The following CUEDC1 variants were observed in gnomAD, a reference collection of about 807,000 sequenced individuals.
The protein encoded by CUEDC1 is CUE domain-containing protein 1.
A neutral mutation model predicts 43.7 loss-of-function variants in CUEDC1; 30 were observed. The observed-to-expected ratio is 0.69, with a 90% confidence interval of 0.51 to 0.93. The LOEUF (loss-of-function observed/expected upper bound fraction) is 0.93. Among genes scored for constraint, CUEDC1 ranks in the 40% least tolerant of loss-of-function variants. The probability of loss-of-function intolerance (pLI) is 0.00; values close to 1 mark genes in which losing one functional copy is unlikely to be tolerated. For synonymous variants in CUEDC1, 223 were observed against 223.6 expected (o/e 1.00, Z 0.02); for missense variants, 486 against 549.0 (o/e 0.89, Z 1.15).
At chr17:57,922,658 T>G (rs1263893572) in intron 1 of CUEDC1, 3 of 152,212 alleles carry the variant, frequency 2.0e-5, no homozygotes, top group African/African-American at 7.2e-5. Flanking sequence ...AGCCTCCATT[T>G]TTCTCATATG....
chr17:57,867,340 C>T lies in CUEDC1; in HGVS notation c.1093+17G>A. On this transcript the variant is annotated intron_variant, in intron 9 of 10. Coordinates refer to ENST00000577830, the MANE Select transcript of CUEDC1 (RefSeq NM_001271875.2). ...ATCATAGAGAAGTTGGAGCTTACGA[C>T]TCCCCTCCAGCCTCACCACACGCGT... The T allele has an allele frequency of 6.4e-7, 1 of 1,551,260 alleles. No homozygotes were observed. The highest frequency in any genetic ancestry group is 8.7e-7 in the Non-Finnish European group (1 of 1,146,524).
intron 10 of CUEDC1, among the ~76,000 whole-genome samples, chr17:57,864,495 A>G (rs1175963232): frequency 6.6e-6 from 1 of 152,148 alleles, no homozygotes; most frequent in Non-Finnish European, 1.5e-5. Context: ...TCCTGGGGTC[A>G]CAGGAGCCAA....
At chr17:57,877,612 C>A (rs1296575346) in intron 3 of CUEDC1, among the ~76,000 whole-genome samples, 1 of 148,782 alleles carries the variant, frequency 6.7e-6, no homozygotes, top group Non-Finnish European at 1.5e-5. Context: ...TGGGGATAGG[C>A]CCGGTGGCTT....
At chr17:57,899,711 C>T (rs1381214421) in intron 1 of CUEDC1, among the ~76,000 whole-genome samples, 1 of 152,220 alleles carries the variant, frequency 6.6e-6, no homozygotes, top group Admixed American at 6.5e-5. Flanking sequence ...AGCCATAGGA[C>T]ACAGACAACA....
At chr17:57,925,434 A>C (rs2074737713) in intron 1 of CUEDC1, among the ~76,000 whole-genome samples, 1 of 152,090 alleles carries the variant, frequency 6.6e-6, no homozygotes, top group Non-Finnish European at 1.5e-5. Context: ...CCAGTGCGGT[A>C]CCCTTCCCAA....
chr17:57,869,227 G>A (rs373522720), intron 6 of CUEDC1, 34 bp from the exon 7 acceptor site: 1,075 of 1,601,862 alleles, frequency 6.7e-4, no homozygotes, highest in Middle Eastern at 9.9e-4. Context: ...GCCGGCCACC[G>A]TGGCCAGCCA....
intron 1 of CUEDC1, among the ~76,000 whole-genome samples, chr17:57,946,228 A>G (rs2074958841): frequency 6.6e-6 from 1 of 152,228 alleles, no homozygotes. Flanking sequence ...CCAGGAGCCA[A>G]CCAAGCAAGC....
intron 1 of CUEDC1, among the ~76,000 whole-genome samples, chr17:57,887,068 G>A (rs527505813): frequency 3.9e-5 from 6 of 152,022 alleles, no homozygotes; most frequent in South Asian, 4.2e-4. Context: ...TGATCTGCCC[G>A]CCTCGGCCTC....
At chr17:57,886,015 T>C (rs557656110) in intron 1 of CUEDC1, 136 bp from the exon 2 acceptor site, 1 of 155,934 alleles carries the variant, frequency 6.4e-6, no homozygotes, top group East Asian at 1.9e-4. Flanking sequence ...TTCTTCCTCA[T>C]GCTTTCTCCC....
chr17:57,889,824 G>T (rs1025761331), intron 1 of CUEDC1, among the ~76,000 whole-genome samples: 2 of 152,124 alleles, frequency 1.3e-5, no homozygotes, highest in Non-Finnish European at 2.9e-5. Flanking sequence ...GGACTATAGA[G>T]GCCCCCAATT....
At chr17:57,863,816 C>T (rs1444364782) in intron 10 of CUEDC1, among the ~76,000 whole-genome samples, 1 of 151,824 alleles carries the variant, frequency 6.6e-6, no homozygotes, top group Non-Finnish European at 1.5e-5. Flanking sequence ...GCCTAACCAG[C>T]ATGGTGAAAC....
At chr17:57,937,836 G>C (rs767968771) in intron 1 of CUEDC1, among the ~76,000 whole-genome samples, 1 of 152,116 alleles carries the variant, frequency 6.6e-6, no homozygotes, top group Non-Finnish European at 1.5e-5. Context: ...GAGCCCAGGG[G>C]ATCCAGGCTG....
intron 1 of CUEDC1, among the ~76,000 whole-genome samples, chr17:57,911,049 T>G (rs1313493222): frequency 6.6e-6 from 1 of 152,148 alleles, no homozygotes; most frequent in Non-Finnish European, 1.5e-5. Context: ...CTCCTCAGTC[T>G]CTTATGTAAA....
intron 1 of CUEDC1, among the ~76,000 whole-genome samples, chr17:57,902,294 C>T (rs2074481147): frequency 6.6e-6 from 1 of 152,168 alleles, no homozygotes; most frequent in African/African-American, 2.4e-5. Context: ...ACACCACTCA[C>T]TCCAGCCTGG....
intron 6 of CUEDC1, among the ~76,000 whole-genome samples, chr17:57,870,594 A>C (rs903896540): frequency 2.0e-5 from 3 of 151,984 alleles, no homozygotes; most frequent in South Asian, 2.1e-4. Flanking sequence ...ATTTCTCCTT[A>C]CAAGACCATA....
chr17:57,929,592 T>A (rs970240576), intron 1 of CUEDC1, among the ~76,000 whole-genome samples: 1 of 152,196 alleles, frequency 6.6e-6, no homozygotes, highest in Non-Finnish European at 1.5e-5. Context: ...GTCTGGATGT[T>A]CTCAGACTGG....
chr17:57,886,821 T>G (rs1366756866), intron 1 of CUEDC1, among the ~76,000 whole-genome samples: 2 of 149,074 alleles, frequency 1.3e-5, no homozygotes, highest in African/African-American at 4.9e-5. Context: ...CTGGTTGTTT[T>G]TTTTTTTTTT....
At position 57,934,747 on chromosome 17, in the gene CUEDC1, G is replaced by T. The variant is rs144282275; in HGVS notation, c.-316+20478C>A. On this transcript the variant is annotated intron_variant, in intron 1 of 10. Coordinates refer to ENST00000577830, the MANE Select transcript of CUEDC1 (RefSeq NM_001271875.2). ...TTTTGAGACAGAATCTCACTCTGTT[G>T]CCCAGGCTGGCATGCAGTGGCGTGA... 8.8e-3 allele frequency among the ~76,000 whole-genome samples: 1,333 copies of T among 152,106 alleles called. 16 individuals carry two copies. The highest frequency in any genetic ancestry group is 0.031 in the African/African-American group (1,277 of 41,506).
chr17:57,913,876 C>G (rs1252523991), intron 1 of CUEDC1, among the ~76,000 whole-genome samples: 2 of 152,182 alleles, frequency 1.3e-5, no homozygotes, highest in Non-Finnish European at 2.9e-5. Flanking sequence ...TCACCCTGGC[C>G]AACTGCAACT....
Sources: gnomAD v4.1 joint callset for allele counts (sites outside exome capture counted in the v4.1 genomes callset) on GRCh38, gnomAD v4.1.1 for gene constraint, MANE v1.5 for transcripts, NCBI Gene and HGNC (gene_info 2026-07-23, HGNC 2026-07-21) for gene names.